ZER1: variants seen among roughly 807,000 people sequenced by gnomAD.
ZER1 encodes the protein protein zer-1 homolog.
ZER1 carries 11 observed loss-of-function variants against 78.8 expected under a neutral mutation model. The ratio of observed to expected loss-of-function variants is 0.14; its 90% CI spans 0.09 to 0.23. The LOEUF is 0.23. Among genes scored for constraint, ZER1 ranks in the 10% least tolerant of loss-of-function variants. The pLI is 1.00. For synonymous variants in ZER1, 400 were observed against 407.0 expected, an observed-to-expected ratio of 0.98 and a Z score of 0.21; for missense variants, 588 against 996.9, an observed-to-expected ratio of 0.59 and a Z score of 5.52.
intron 1 of ZER1, among the ~76,000 whole-genome samples, chr9:128,756,271 C>T (rs1863855937): frequency 6.6e-6 from 1 of 152,192 alleles, no homozygotes; most frequent in South Asian, 2.1e-4. Flanking sequence ...CACGGTGAAA[C>T]CCTGTCTCTA....
chr9:128,758,245 G>A (rs984382205), intron 1 of ZER1, among the ~76,000 whole-genome samples: 5 of 150,810 alleles, frequency 3.3e-5, no homozygotes, highest in African/African-American at 9.8e-5. Flanking sequence ...TCAGCCTCCC[G>A]AATACCTGGG....
At position 128,753,883 on chromosome 9, in the gene ZER1, T is replaced by A; in HGVS notation, c.235A>T (p.Ser79Cys). The change falls in exon 3 of 16, where the codon AGC becomes TGC. Residue 79 changes from serine (S) to cysteine (C), a missense_variant. Transcript: ENST00000291900. The surrounding 1 kb of genome is among the most constrained non-coding windows in gnomAD (Gnocchi z 7.5). ...SFFSLFSDPR[S>C]TRLTRIHLRE... Reference sequence around the variant, plus strand: ...AGGTGGATCCGCGTGAGGCGGGTGCTGCGGGGGTCCGAAAAGAGGCTGAAG... The same window carrying A: ...AGGTGGATCCGCGTGAGGCGGGTGCAGCGGGGGTCCGAAAAGAGGCTGAAG... The A allele has an allele frequency of 6.2e-7, 1 of 1,601,534 alleles. No homozygotes were observed. Among genetic ancestry groups the A allele is most frequent in the Non-Finnish European group, 8.5e-7 (1 of 1,174,524 alleles).
intron 1 of ZER1, among the ~76,000 whole-genome samples, chr9:128,756,308 T>C (rs1056507894): frequency 6.6e-6 from 1 of 152,054 alleles, no homozygotes; most frequent in Non-Finnish European, 1.5e-5. Context: ...TAGCCGGGCG[T>C]GGTGGCGGGC....
chr9:128,743,726 T>G (rs1026688345), intron 8 of ZER1, among the ~76,000 whole-genome samples: 5 of 151,566 alleles, frequency 3.3e-5, no homozygotes, highest in African/African-American at 1.2e-4. Context: ...GGCCCCTGCT[T>G]TCTTTAATTT....
In ZER1 at chr9:128,761,603, GT is replaced by G. The variant is rs1180495331; in HGVS notation, c.-94-5945del. On this transcript the variant is annotated intron_variant, in intron 1 of 15. Coordinates refer to ENST00000291900, the MANE Select transcript of ZER1 (RefSeq NM_006336.4). Reference sequence around the variant, plus strand: ...GTCCAGCCCTATGACCCCATAATTTGTTTTTTTTTTTTTTTTTTTGAGACAG... The same window carrying G: ...GTCCAGCCCTATGACCCCATAATTTGTTTTTTTTTTTTTTTTTTGAGACAG... Among the ~76,000 whole-genome samples the G allele has an allele frequency of 9.9e-3, 1,059 of 107,358 alleles. 16 individuals carry two copies. The highest frequency in any genetic ancestry group is 0.026 in the African/African-American group (748 of 29,184). The allele number at this position is 107,358 out of a possible 152,430, so 70.4% of individuals were successfully genotyped here. A position where few individuals can be genotyped will look rare whatever the true frequency, so the allele number is the denominator to read the frequency against.
intron 11 of ZER1, 145 bp from the exon 12 acceptor site, chr9:128,741,032 G>C (rs1325878740): frequency 1.6e-6 from 1 of 625,416 alleles, no homozygotes; most frequent in African/African-American, 1.8e-5. Flanking sequence ...ACCCTCCAAT[G>C]CTCCTAGGTC....
chr9:128,752,386 G>A (rs1863708666), intron 5 of ZER1, among the ~76,000 whole-genome samples: 1 of 151,494 alleles, frequency 6.6e-6, no homozygotes, highest in Admixed American at 6.6e-5. Flanking sequence ...GTGCAGTGGC[G>A]CGATCTCAGC....
intron 14 of ZER1, among the ~76,000 whole-genome samples, chr9:128,735,042 C>T (rs563020606): frequency 3.3e-4 from 45 of 136,758 alleles, no homozygotes; most frequent in Admixed American, 1.5e-3. Flanking sequence ...CCACTGAGCC[C>T]AGCAGGCATG....
intron 1 of ZER1, among the ~76,000 whole-genome samples, chr9:128,768,588 C>T (rs1192431809): frequency 1.3e-5 from 2 of 152,188 alleles, no homozygotes; most frequent in Admixed American, 1.3e-4. Flanking sequence ...CCCACAACAG[C>T]CTACCCCAAC....
At chr9:128,743,858 G>A (rs1256461201) in intron 8 of ZER1, among the ~76,000 whole-genome samples, 2 of 147,292 alleles carry the variant, frequency 1.4e-5, no homozygotes, top group Non-Finnish European at 1.5e-5. Context: ...AGCCTCCCTA[G>A]TAGCTGGGAT....
intron 1 of ZER1, among the ~76,000 whole-genome samples, chr9:128,757,345 C>A (rs559652946): frequency 6.6e-6 from 1 of 152,060 alleles, no homozygotes; most frequent in South Asian, 2.1e-4. Context: ...ATGGCGAAAC[C>A]CTGTCTCTAC....
In ZER1 at chr9:128,753,426, A is replaced by G; in HGVS notation, c.484T>C (p.Cys162Arg). The stretch of plus-strand genomic sequence containing the variant: ...GTGAAATCCTTAACCAGCACCTGGC[A>G]GGTGGGGTTGACGAGGTACTCATCT... ...CEDEYLVNPTCQVLVKDFTFE... is the reference protein window; with the variant it reads ...CEDEYLVNPTRQVLVKDFTFE... Residue 162 changes from cysteine (C) to arginine (R), a missense_variant, in exon 4 of 16, where the codon TGC (cysteine) becomes CGC (arginine). Coordinates refer to ENST00000291900, the MANE Select transcript of ZER1 (RefSeq NM_006336.4). The surrounding 1 kb of genome is among the most constrained non-coding windows in gnomAD (Gnocchi z 7.5). The G allele has an allele frequency of 6.2e-7, 1 of 1,614,192 alleles. No homozygotes were observed. The highest frequency in any genetic ancestry group is 8.5e-7 in the Non-Finnish European group (1 of 1,180,030).
chr9:128,752,978 G>A (rs1386702688), intron 4 of ZER1, 129 bp from the exon 5 acceptor site: 11 of 1,336,978 alleles, frequency 8.2e-6, no homozygotes, highest in Non-Finnish European at 1.1e-5. Context: ...GGGCATTCTG[G>A]GAAGAAACCC....
chr9:128,771,378 G>A (rs1172628318), intron 1 of ZER1, among the ~76,000 whole-genome samples: 1 of 152,190 alleles, frequency 6.6e-6, no homozygotes, highest in Non-Finnish European at 1.5e-5. Context: ...ACGACAGAGC[G>A]TCATTTTCTT....
At chr9:128,745,085 C>T (rs1170824329) in intron 8 of ZER1, among the ~76,000 whole-genome samples, 1 of 152,092 alleles carries the variant, frequency 6.6e-6, no homozygotes, top group African/African-American at 2.4e-5. Context: ...CTGTTTTCCG[C>T]AGTGGCTTTA....
At chr9:128,737,124 A>G (rs888199164) in intron 13 of ZER1, among the ~76,000 whole-genome samples, 2 of 151,960 alleles carry the variant, frequency 1.3e-5, no homozygotes, top group African/African-American at 4.8e-5. Context: ...AGCCTGGGTG[A>G]CAGTGCGAGA....
At position 128,753,893 on chromosome 9, in the gene ZER1, C is replaced by T. The variant is rs141354360; in HGVS notation, c.225G>A (p.Ser75=). 1.3e-5 allele frequency: 21 copies of T among 1,599,446 alleles called. No individual in the cohort carries two copies. Among genetic ancestry groups the T allele is most frequent in the African/African-American group, 5.4e-5 (4 of 74,692 alleles). ...GCGTGAGGCGGGTGCTGCGGGGGTC[C>T]GAAAAGAGGCTGAAGAAGCTCTCGT... The part of the protein sequence containing the change: ...EPHESFFSLF[S]DPRSTRLTRI... Residue 75 remains serine, a synonymous_variant, in exon 3 of 16, where the codon TCG becomes TCA. Transcript: ENST00000291900. This position sits in a 1 kb window ranked among gnomAD's most constrained non-coding sequence, Gnocchi z 7.5.
chr9:128,734,144 A>ATATATATATATATATATATATAT (rs1554784814), intron 14 of ZER1, among the ~76,000 whole-genome samples: 7 of 14,420 alleles, frequency 4.9e-4, no homozygotes, highest in African/African-American at 7.5e-4. Flanking sequence ...AAAAAAAAAA[A>ATATATATATATATATATATATAT]ATATATATAT....
At chr9:128,756,829 C>T (rs980327162) in intron 1 of ZER1, among the ~76,000 whole-genome samples, 10 of 152,122 alleles carry the variant, frequency 6.6e-5, no homozygotes, top group Non-Finnish European at 1.5e-4. Flanking sequence ...TATGAATATA[C>T]TAAAAATCAT....
Sources: allele counts gnomAD v4.1 joint callset (sites outside exome capture counted in the v4.1 genomes callset), GRCh38; gene constraint gnomAD v4.1.1; non-coding constraint Gnocchi (gnomAD v3.1); transcripts MANE v1.5; gene names NCBI Gene and HGNC (gene_info 2026-07-23, HGNC 2026-07-21).